Variants in POLR1G observed in about 807,000 individuals in gnomAD.
POLR1G encodes RNA polymerase I subunit G.
POLR1G carries 9 observed loss-of-function variants against 6.3 expected under a neutral mutation model. The observed-to-expected ratio is 1.44, with a 90% CI of 0.87 to 2.51. The LOEUF (loss-of-function observed/expected upper bound fraction) is 2.51, where lower values mean the gene tolerates loss of function less well. POLR1G is among the 30% of genes most tolerant of loss of function. The pLI is 0.00. For missense variants in POLR1G, 617 were observed against 632.5 expected (o/e 0.98, Z 0.26); for synonymous variants, 248 against 256.5 (o/e 0.97, Z 0.32).
intron 2 of POLR1G, chr19:45,407,581 A>G: frequency 3.3e-6 from 1 of 303,888 alleles, no homozygotes; most frequent in Non-Finnish European, 6.0e-6. Context: ...TGGGGGCTGC[A>G]TTCTTAGGAC....
At chr19:45,407,432 C>G (rs1161263893) in intron 2 of POLR1G, 197 bp downstream of exon 2, 6 of 560,246 alleles carry the variant, frequency 1.1e-5, no homozygotes, top group Admixed American at 3.7e-5. Context: ...GTTAGTATTT[C>G]TACTTATAAG....
chr19:45,406,648 T>C lies in POLR1G; in HGVS notation c.-49T>C, dbSNP rs777368337. On this transcript the variant is annotated 5_prime_UTR_variant, in exon 1 of 3. Coordinates refer to ENST00000309424, the MANE Select transcript of POLR1G (RefSeq NM_012099.3). The surrounding 1 kb of genome is among the most constrained non-coding windows in gnomAD (Gnocchi z 4.2). The stretch of plus-strand genomic sequence containing the variant: ...CTTTGGATCCACGTGGTCTGCAACC[T>C]GGTGCGAGCAGCCCGGGCTACAGGG... The C allele has an allele frequency of 4.5e-5, 69 of 1,545,826 alleles. No homozygotes were observed. The Middle Eastern group carries it at 9.5e-4, about 21-fold the overall frequency.
rs1973374900 is a variant in POLR1G at position 45,406,713 on chromosome 19, C to T, written c.17C>T (p.Ala6Val). 6.5e-7 allele frequency: 1 copy of T among 1,532,512 alleles called. No individual in the cohort carries two copies. 94.9% of individuals were successfully genotyped at this position (1,532,512 alleles called of 1,614,324 possible). A position where few individuals can be genotyped will look rare whatever the true frequency, so the allele number is the denominator to read the frequency against. The change falls in exon 1 of 3, where the codon GCC becomes GTC. Residue 6 changes from alanine to valine, a missense_variant. Transcript: ENST00000309424. The surrounding 1 kb of genome is among the most constrained non-coding windows in gnomAD (Gnocchi z 4.2). MEEPQ[A>V]GDAARFSCPP... ...GGTCCCAGGATGGAGGAGCCCCAGG[C>T]CGGCGGTGAGGGTGCGGGTTGACGG...
intron 2 of POLR1G, 165 bp downstream of exon 2, chr19:45,407,400 G>A (rs1968344749): frequency 3.2e-6 from 2 of 621,156 alleles, no homozygotes; most frequent in Non-Finnish European, 5.4e-6. Context: ...CAGAAAGCAG[G>A]GGGAGAAACC....
At chr19:45,407,026 T>C in intron 1 of POLR1G, 68 bp from the exon 2 acceptor site, 2 of 1,539,810 alleles carry the variant, frequency 1.3e-6, no homozygotes, top group Non-Finnish European at 1.7e-6. Flanking sequence ...AATGGACCGA[T>C]AGGCGCGCCC....
chr19:45,410,485 G>A lies in POLR1G; in HGVS notation c.*984G>A, dbSNP rs1349304820. On this transcript the variant is annotated 3_prime_UTR_variant, in exon 3 of 3. Coordinates refer to ENST00000309424, the MANE Select transcript of POLR1G (RefSeq NM_012099.3). The stretch of plus-strand genomic sequence containing the variant: ...GGTGTGAGCCACCGCACCCTGCCAA[G>A]TTATTTTAAAATGTACCATTATTAT... The A allele has an allele frequency of 2.0e-5, 3 of 151,782 alleles. No individual in the cohort carries two copies. Among genetic ancestry groups the A allele is most frequent in the Non-Finnish European group, 4.4e-5 (3 of 68,000 alleles). 9.4% of individuals were successfully genotyped at this position (151,782 alleles called of 1,614,324 possible).
chr19:45,408,879 G>C lies in POLR1G; in HGVS notation c.911G>C (p.Gly304Ala), dbSNP rs1440061512. ...KGTEGMEPEE[G>A]VTVESQPQVK... ...ACGGAAGGGATGGAGCCAGAGGAGG[G>C]GGTGACAGTTGAGTCTCAGCCACAG... Residue 304 changes from glycine to alanine, a missense_variant, in exon 3 of 3, where the codon GGG (glycine) becomes GCG (alanine). Transcript: ENST00000309424. 1 of 1,614,006 alleles carries C rather than the reference G, an allele frequency of 6.2e-7. No homozygotes were observed. Among genetic ancestry groups the C allele is most frequent in the African/African-American group, 1.3e-5 (1 of 74,920 alleles).
chr19:45,408,545 G>C lies in POLR1G; in HGVS notation c.577G>C (p.Gly193Arg). 1.9e-6 allele frequency: 3 copies of C among 1,614,066 alleles called. No homozygotes were observed. The highest frequency in any genetic ancestry group is 2.5e-6 in the Non-Finnish European group (3 of 1,180,018). The change falls in exon 3 of 3, where the codon GGG (glycine) becomes CGG (arginine). Residue 193 changes from glycine to arginine, a missense_variant. Physicochemically the swap from Gly to Arg is moderately radical, Grantham distance 125. Coordinates refer to ENST00000309424, the MANE Select transcript of POLR1G (RefSeq NM_012099.3). Reference protein sequence around the residue: ...EAPVTQEAVNGHGALEVDMAL... With the variant: ...EAPVTQEAVNRHGALEVDMAL... The stretch of plus-strand genomic sequence containing the variant: ...CCCAGTCACTCAGGAGGCAGTGAAT[G>C]GGCACGGGGCCCTGGAGGTGGACAT...
At position 45,409,500 on chromosome 19, in the gene POLR1G, A is replaced by C. The variant is rs941494600; in HGVS notation, c.1532A>C (p.Ter511SerextTer9). 1.2e-6 allele frequency: 2 copies of C among 1,605,076 alleles called. No individual in the cohort carries two copies. Among genetic ancestry groups the C allele is most frequent in the Non-Finnish European group, 1.7e-6 (2 of 1,176,494 alleles). Residue 511 changes from the stop codon to serine, a stop_lost, in exon 3 of 3, where the codon TAG becomes TCG. Transcript: ENST00000309424. ...KRKQQQQQPV[*>S] is the part of the protein sequence containing the mutation. The stretch of plus-strand genomic sequence containing the variant: ...AAGCAGCAGCAGCAGCAGCCTGTGT[A>C]GTCTGCCCCCGGGAAACTGAGGAAC...
chr19:45,409,897 T>TA lies in POLR1G; in HGVS notation c.*396_*397insA, dbSNP rs59818252. On this transcript the variant is annotated 3_prime_UTR_variant, in exon 3 of 3. Transcript: ENST00000309424. ...TTTAAGTTATTATTATTATTATTATTTTTTTTTTTTTTGAGATGGAGTCTC... is the reference window on the plus strand; with the variant it reads ...TTTAAGTTATTATTATTATTATTATTATTTTTTTTTTTTGAGATGGAGTCTC... 0.054 allele frequency: 12,741 copies of TA among 235,376 alleles called. 859 individuals are homozygous for TA. The highest frequency in any genetic ancestry group is 0.17 in the Admixed American group (2,737 of 15,886). 14.6% of individuals were successfully genotyped at this position (235,376 alleles called of 1,614,324 possible).
chr19:45,408,229 C>T lies in POLR1G; in HGVS notation c.261C>T (p.Pro87=), dbSNP rs1213942160. Residue 87 remains proline (P), a synonymous_variant, in exon 3 of 3, where the codon CCC becomes CCT. Transcript: ENST00000309424. ...RHRYRVLSSC[P]QAGEATLLAP... Reference sequence around the variant, plus strand: ...GCTATCGAGTCCTCAGCAGCTGTCCCCAAGCTGGAGAAGCGACCCTGCTGG... The same window carrying T: ...GCTATCGAGTCCTCAGCAGCTGTCCTCAAGCTGGAGAAGCGACCCTGCTGG... 6.2e-7 allele frequency: 1 copy of T among 1,614,158 alleles called. No homozygotes were observed. The highest frequency in any genetic ancestry group is 8.5e-7 in the Non-Finnish European group (1 of 1,180,018).
rs774090319 is a variant in POLR1G at position 45,409,380 on chromosome 19, G to C, written c.1412G>C (p.Arg471Pro). Residue 471 changes from arginine to proline, a missense_variant, in exon 3 of 3, where the codon CGG (arginine) becomes CCG (proline). Coordinates refer to ENST00000309424, the MANE Select transcript of POLR1G (RefSeq NM_012099.3). ...AGGAAGAAGCAGAGTCAGGAAAGCC[G>C]GATGCCAGAGACAGTGCCCCAAGAG... The part of the protein sequence containing the change: ...KKRKKQSQES[R>P]MPETVPQEEM... 1.9e-6 allele frequency: 3 copies of C among 1,614,052 alleles called. No individual in the cohort carries two copies. Among genetic ancestry groups the C allele is most frequent in the Non-Finnish European group, 8.5e-7 (1 of 1,179,988 alleles).
chr19:45,408,780 A>T lies in POLR1G; in HGVS notation c.812A>T (p.Gln271Leu). ...GAGCCAGAAGACAAGACAGTGAAGC[A>T]GGAACAGATTAACACTGAGCCTCTA... ...TFEPEDKTVKQEQINTEPLED... is the reference protein window; with the variant it reads ...TFEPEDKTVKLEQINTEPLED... Residue 271 changes from glutamine to leucine, a missense_variant, in exon 3 of 3, where the codon CAG (glutamine) becomes CTG (leucine). By Grantham distance (113) the Gln-to-Leu change is moderately radical. Transcript: ENST00000309424. 1.2e-6 allele frequency: 2 copies of T among 1,614,044 alleles called. No individual in the cohort carries two copies. Among genetic ancestry groups the T allele is most frequent in the Non-Finnish European group, 1.7e-6 (2 of 1,180,000 alleles).
Position 45,407,201 on chromosome 19 carries a change from C to A in POLR1G, c.130C>A (p.Leu44Ile), listed in dbSNP as rs1973401443. The part of the protein sequence containing the change: ...ALTGPDTELW[L>I]IQAPADFAPE... ...GACGGGTCCAGATACGGAGCTGTGG[C>A]TTATTCAGGCCCCTGCAGACTTTGC... Residue 44 changes from leucine (L) to isoleucine (I), a missense_variant, in exon 2 of 3, where the codon CTT (leucine) becomes ATT (isoleucine). Transcript: ENST00000309424. 6.2e-7 allele frequency: 1 copy of A among 1,613,130 alleles called. No homozygotes were observed.
rs143986694 is a variant in POLR1G at position 45,409,027 on chromosome 19, G to C, written c.1059G>C (p.Glu353Asp). ...AGGCGATGGAGCCAGTGGAGCCGGA[G>C]ATGAAGCCTCTGGAGTCCCCAGGGG... ...GTEAMEPVEP[E>D]MKPLESPGGT... The change falls in exon 3 of 3, where the codon GAG becomes GAC. Residue 353 changes from glutamate (E) to aspartate (D), a missense_variant. Glu to Asp is a conservative substitution (Grantham distance 45, BLOSUM62 2). Coordinates refer to ENST00000309424, the MANE Select transcript of POLR1G (RefSeq NM_012099.3). 1.6e-5 allele frequency: 26 copies of C among 1,613,994 alleles called. No homozygotes were observed. The African/African-American group carries it at 3.2e-4, about 20-fold the overall frequency.
Position 45,406,729 on chromosome 19 carries a change from G to A in POLR1G, c.22+11G>A. On this transcript the variant is annotated intron_variant, in intron 1 of 2. Transcript: ENST00000309424. The surrounding 1 kb of genome is among the most constrained non-coding windows in gnomAD (Gnocchi z 4.2). ...AGCCCCAGGCCGGCGGTGAGGGTGC[G>A]GGTTGACGGGGTGCGGAGGGTGCGT... 6.6e-7 allele frequency: 1 copy of A among 1,526,388 alleles called. No individual in the cohort carries two copies. The allele number at this position is 1,526,388 out of a possible 1,614,324, so 94.6% of individuals were successfully genotyped here. A position where few individuals can be genotyped will look rare whatever the true frequency, so the allele number is the denominator to read the frequency against.
At position 45,409,891 on chromosome 19, in the gene POLR1G, TA is replaced by T. The variant is rs1482709364; in HGVS notation, c.*391del. 316 of 237,758 alleles carry T rather than the reference TA, an allele frequency of 1.3e-3. No individual in the cohort carries two copies. The highest frequency in any genetic ancestry group is 5.9e-3 in the South Asian group (32 of 5,414). The allele number at this position is 237,758 out of a possible 1,614,324, so 14.7% of individuals were successfully genotyped here. A position where few individuals can be genotyped will look rare whatever the true frequency, so the allele number is the denominator to read the frequency against. ...AATCTTTTTAAGTTATTATTATTAT[TA>T]TTATTTTTTTTTTTTTTGAGATGGA... On this transcript the variant is annotated 3_prime_UTR_variant, in exon 3 of 3. Transcript: ENST00000309424.
In POLR1G at chr19:45,409,085, A is replaced by G. The variant is rs762562; in HGVS notation, c.1117A>G (p.Lys373Glu). 270,838 of 1,613,908 alleles carry G rather than the reference A, an allele frequency of 0.17. 26,751 individuals carry two copies. Among genetic ancestry groups the G allele is most frequent in the East Asian group, 0.46 (20,603 of 44,848 alleles). ...GGCGCCTCAACAGCCAGAAGGAGCG[A>G]AGCCTCAGGCCCAGGCAGCTCTGGC... ...TMAPQQPEGA[K>E]PQAQAALAAP... Residue 373 changes from lysine (K) to glutamate (E), a missense_variant, in exon 3 of 3, where the codon AAG (lysine) becomes GAG (glutamate). Coordinates refer to ENST00000309424, the MANE Select transcript of POLR1G (RefSeq NM_012099.3).
chr19:45,409,148 G>A lies in POLR1G; in HGVS notation c.1180G>A (p.Asp394Asn), dbSNP rs2336219. 0.17 allele frequency: 270,078 copies of A among 1,613,748 alleles called. 26,540 individuals carry two copies. Among genetic ancestry groups the A allele is most frequent in the East Asian group, 0.46 (20,588 of 44,846 alleles). Residue 394 changes from aspartate (D) to asparagine (N), a missense_variant, in exon 3 of 3, where the codon GAT becomes AAT. Coordinates refer to ENST00000309424, the MANE Select transcript of POLR1G (RefSeq NM_012099.3). Reference sequence around the variant, plus strand: ...GAAGACGAAGAAAGAAAAACAGCAAGATGCCACAGTGGAGCCAGAGACAGA... The same window carrying A: ...GAAGACGAAGAAAGAAAAACAGCAAAATGCCACAGTGGAGCCAGAGACAGA... The part of the protein sequence containing the change: ...KKKTKKEKQQ[D>N]ATVEPETEVV...
Sources: gnomAD v4.1 joint callset for allele counts on GRCh38, gnomAD v4.1.1 for gene constraint, Gnocchi (gnomAD v3.1) non-coding constraint, MANE v1.5 for transcripts, NCBI Gene and HGNC (gene_info 2026-07-23, HGNC 2026-07-21) for gene names.